The following ROBO2 variants were observed in gnomAD, a reference collection of about 807,000 sequenced individuals.
The protein encoded by ROBO2 is roundabout homolog 2.
In ROBO2, 53 loss-of-function variants were observed where a neutral mutation model predicts 160.8. The observed-to-expected ratio is 0.33, with a 90% CI of 0.26 to 0.41. ROBO2 has a LOEUF of 0.41. Ranked by LOEUF, ROBO2 falls within the 10% of genes least tolerant of loss-of-function variation. The pLI, the probability that ROBO2 is intolerant of heterozygous loss-of-function variation, is 1.00. For missense variants in ROBO2, 1,577 were observed against 1,722.4 expected, an observed-to-expected ratio of 0.92 and a Z score of 1.49; for synonymous variants, 664 against 611.7, an observed-to-expected ratio of 1.09 and a Z score of -1.26.
At chr3:77,477,660 A>C (rs1208829634) in intron 3 of ROBO2, 89 bp downstream of exon 3, 1 of 1,244,572 alleles carries the variant, frequency 8.0e-7, no homozygotes, top group Non-Finnish European at 1.2e-6. Flanking sequence ...AACATTATTA[A>C]TACAATTGTA....
At chr3:76,816,311 C>A (rs2065660903) in intron 2 of ROBO2, among the ~76,000 whole-genome samples, 1 of 152,054 alleles carries the variant, frequency 6.6e-6, no homozygotes, top group South Asian at 2.1e-4. Context: ...AAAACACATT[C>A]TTTCCAATTC....
chr3:75,937,535 A>G lies in ROBO2; in HGVS notation c.42A>G (p.Thr14=), dbSNP rs62269817. 8 of 1,578,970 alleles carry G rather than the reference A, an allele frequency of 5.1e-6. No individual in the cohort carries two copies. Among genetic ancestry groups the G allele is most frequent in the Non-Finnish European group, 6.8e-6 (8 of 1,168,828 alleles). Reference sequence around the variant, plus strand: ...AACGTGTCACTAGAAGGATGTGGACATGGGCTCCGGGACTGTTGATGATGA... The same window carrying G: ...AACGTGTCACTAGAAGGATGTGGACGTGGGCTCCGGGACTGTTGATGATGA... The change falls in exon 2 of 27, where the codon ACA becomes ACG. Residue 14 remains threonine (T), a synonymous_variant. Coordinates refer to the ROBO2 transcript ENST00000487694.
intron 4 of ROBO2, among the ~76,000 whole-genome samples, chr3:77,490,032 T>A (rs1282664118): frequency 6.6e-6 from 1 of 152,086 alleles, no homozygotes; most frequent in Non-Finnish European, 1.5e-5. Context: ...TCCTTTTTCT[T>A]ACTGATTTTT....
chr3:76,195,443 G>A (rs1702216244), intron 2 of ROBO2, among the ~76,000 whole-genome samples: 1 of 152,096 alleles, frequency 6.6e-6, no homozygotes. Context: ...CAATCCTTTA[G>A]GCAAAAAGAG....
At position 77,096,073 on chromosome 3, in the gene ROBO2, A is replaced by G. The variant is rs142355349; in HGVS notation, c.62-1941A>G. Among the ~76,000 whole-genome samples the G allele has an allele frequency of 3.3e-5, 5 of 152,270 alleles. No homozygotes were observed. In the East Asian group the frequency reaches 5.8e-4, roughly 18 times the overall value. On this transcript the variant is annotated intron_variant, in intron 1 of 25. Coordinates refer to ENST00000461745, the Ensembl canonical transcript of ROBO2. ...TTCAAAAAAATAAAGTTCATTTAAG[A>G]CTAAATTAAATTCCCTTTAATACAT...
intron 2 of ROBO2, among the ~76,000 whole-genome samples, chr3:77,255,340 A>G (rs1175260509): frequency 6.6e-6 from 1 of 152,222 alleles, no homozygotes; most frequent in Non-Finnish European, 1.5e-5. Context: ...TTTTAAAACC[A>G]ATTCAACTAT....
intron 2 of ROBO2, among the ~76,000 whole-genome samples, chr3:76,837,078 A>G (rs2067767712): frequency 6.6e-6 from 1 of 151,886 alleles, no homozygotes; most frequent in Non-Finnish European, 1.5e-5. Context: ...TTACCAAGTT[A>G]ATATTATCTA....
At chr3:77,496,972 G>A (rs1484699448) in intron 5 of ROBO2, among the ~76,000 whole-genome samples, 1 of 152,038 alleles carries the variant, frequency 6.6e-6, no homozygotes, top group Admixed American at 6.6e-5. Context: ...CAGACTCTTA[G>A]TGAGTTGTAT....
chr3:77,230,403 A>G (rs988905434), intron 2 of ROBO2, among the ~76,000 whole-genome samples: 1 of 152,144 alleles, frequency 6.6e-6, no homozygotes, highest in Non-Finnish European at 1.5e-5. Flanking sequence ...TTTTTTAAAT[A>G]CAAGAGCAAC....
chr3:77,611,560 A>T (rs748635390), intron 21 of ROBO2, among the ~76,000 whole-genome samples: 5 of 152,114 alleles, frequency 3.3e-5, no homozygotes, highest in Admixed American at 6.6e-5. Flanking sequence ...TATTTAGGAG[A>T]TATACCCAGC....
chr3:76,627,452 C>G (rs1283470749), intron 2 of ROBO2, among the ~76,000 whole-genome samples: 1 of 152,134 alleles, frequency 6.6e-6, no homozygotes, highest in Non-Finnish European at 1.5e-5. Context: ...ATATTGTTCG[C>G]GTATGGAAGC....
At chr3:77,296,173 G>T (rs1005756475) in intron 2 of ROBO2, among the ~76,000 whole-genome samples, 1 of 151,330 alleles carries the variant, frequency 6.6e-6, no homozygotes, top group Non-Finnish European at 1.5e-5. Flanking sequence ...GTAAGCTGAG[G>T]CTAGATCACC....
chr3:76,963,119 T>C (rs958827999), intron 2 of ROBO2, among the ~76,000 whole-genome samples: 4 of 150,228 alleles, frequency 2.7e-5, no homozygotes, highest in East Asian at 2.0e-4. Flanking sequence ...TCTCTGGAAA[T>C]TGGAGTTAAA....
intron 2 of ROBO2, among the ~76,000 whole-genome samples, chr3:77,387,704 A>G (rs1000349081): frequency 9.9e-5 from 15 of 151,860 alleles, no homozygotes; most frequent in Non-Finnish European, 1.3e-4. Flanking sequence ...GTTCCTAAGC[A>G]GATAGCTACA....
At chr3:77,503,874 T>C (rs2088044681) in intron 5 of ROBO2, among the ~76,000 whole-genome samples, 1 of 152,216 alleles carries the variant, frequency 6.6e-6, no homozygotes, top group African/African-American at 2.4e-5. Context: ...GTACTACAAT[T>C]ACATGAACAA....
At chr3:76,870,755 C>CT (rs536852684) in intron 2 of ROBO2, among the ~76,000 whole-genome samples, 165 of 151,838 alleles carry the variant, frequency 1.1e-3, no homozygotes, top group African/African-American at 3.9e-3. Context: ...TTTTTATTTT[C>CT]TTTTTTGGTG....
exon 26 of ROBO2, chr3:77,647,444 T>A (rs2153726134): frequency 6.6e-6 from 1 of 152,186 alleles, no homozygotes. Flanking sequence ...AAAGAAAAAT[T>A]TAAAAGGAGA....
intron 2 of ROBO2, among the ~76,000 whole-genome samples, chr3:76,568,560 C>A (rs2084757759): frequency 6.6e-6 from 1 of 151,970 alleles, no homozygotes; most frequent in African/African-American, 2.4e-5. Context: ...CCCGCCTCGG[C>A]CTCCCAAAGT....
At chr3:76,935,894 C>G (rs145149842) in intron 2 of ROBO2, among the ~76,000 whole-genome samples, 1 of 152,260 alleles carries the variant, frequency 6.6e-6, no homozygotes, top group Admixed American at 6.5e-5. Flanking sequence ...GCTCTCAAGA[C>G]CTCATCACCC....
Sources: allele counts gnomAD v4.1 joint callset (sites outside exome capture counted in the v4.1 genomes callset), GRCh38; gene constraint gnomAD v4.1.1; transcripts MANE v1.5; gene names NCBI Gene and HGNC (gene_info 2026-07-23, HGNC 2026-07-21).